The following TBC1D5 variants were observed in gnomAD, a reference collection of about 807,000 sequenced individuals.
TBC1D5 encodes the protein TBC1 domain family, member 5.
In TBC1D5, 75 loss-of-function variants were observed where a neutral mutation model predicts 100.3. The ratio of observed to expected loss-of-function variants is 0.75; its 90% CI spans 0.62 to 0.91. TBC1D5 has a LOEUF of 0.91. Among genes scored for constraint, TBC1D5 ranks in the 40% least tolerant of loss-of-function variants. The pLI is 0.00. For synonymous variants in TBC1D5, 323 were observed against 325.6 expected (o/e 0.99, Z 0.09); for missense variants, 910 against 942.4 (o/e 0.97, Z 0.45).
chr3:17,301,499 C>T (rs1460788206), intron 14 of TBC1D5, among the ~76,000 whole-genome samples: 2 of 152,172 alleles, frequency 1.3e-5, no homozygotes, highest in Non-Finnish European at 2.9e-5. Flanking sequence ...ACCCCAAGTA[C>T]TATATTAACT....
chr3:17,719,275 C>G lies in TBC1D5; in HGVS notation c.-101+20068G>C, dbSNP rs138359721. On this transcript the variant is annotated intron_variant, in intron 1 of 21. Transcript: ENST00000253692. ...AGCTGCAGTGTTATGTATTTTTCCACTACAAATCTAGAACGTTATTTAGTA... is the reference window on the plus strand; with the variant it reads ...AGCTGCAGTGTTATGTATTTTTCCAGTACAAATCTAGAACGTTATTTAGTA... Among the ~76,000 whole-genome samples, 487 of 152,278 alleles carry G rather than the reference C, an allele frequency of 3.2e-3. 1 individual carries two copies. Among genetic ancestry groups the G allele is most frequent in the African/African-American group, 0.011 (461 of 41,584 alleles).
At chr3:17,408,919 A>T (rs554789800) in intron 4 of TBC1D5, among the ~76,000 whole-genome samples, 1 of 152,232 alleles carries the variant, frequency 6.6e-6, no homozygotes, top group Non-Finnish European at 1.5e-5. Flanking sequence ...CCCCATTTTA[A>T]TCCATTTTTA....
intron 3 of TBC1D5, among the ~76,000 whole-genome samples, chr3:17,507,589 T>C (rs957766709): frequency 1.3e-5 from 2 of 152,086 alleles, no homozygotes; most frequent in Non-Finnish European, 2.9e-5. Flanking sequence ...ACAGAAAAAA[T>C]CATTTTGTTT....
intron 3 of TBC1D5, among the ~76,000 whole-genome samples, chr3:17,442,549 C>T (rs2094688209): frequency 1.3e-5 from 2 of 152,156 alleles, no homozygotes; most frequent in South Asian, 4.1e-4. Flanking sequence ...TAGAAGAAGG[C>T]CTGGACATGG....
At chr3:17,449,865 G>A (rs939555377) in intron 3 of TBC1D5, among the ~76,000 whole-genome samples, 9 of 152,176 alleles carry the variant, frequency 5.9e-5, no homozygotes, top group South Asian at 4.1e-4. Flanking sequence ...ATCTCCCAGC[G>A]AATGCTCAAG....
In TBC1D5 at chr3:17,503,151, A is replaced by C. The variant is rs1202742938; in HGVS notation, c.97+5323T>G. 2.0e-5 allele frequency among the ~76,000 whole-genome samples: 3 copies of C among 149,724 alleles called. 1 individual carries two copies. Among genetic ancestry groups the C allele is most frequent in the African/African-American group, 7.6e-5 (3 of 39,482 alleles). On this transcript the variant is annotated intron_variant, in intron 3 of 21. Coordinates refer to ENST00000253692, the Ensembl canonical transcript of TBC1D5. The stretch of plus-strand genomic sequence containing the variant: ...ATAAGGGAGCTTCATCCTAGTCTTC[A>C]GTCTTATTTGTAGTCATTCTACTTT...
chr3:17,483,539 GACTAT>G (rs1401658449), intron 3 of TBC1D5, among the ~76,000 whole-genome samples: 1 of 152,110 alleles, frequency 6.6e-6, no homozygotes, highest in South Asian at 2.1e-4. Flanking sequence ...TGTTTAAGTA[GACTAT>G]ACTATTACAC....
chr3:17,566,286 A>G (rs994902311), intron 2 of TBC1D5, among the ~76,000 whole-genome samples: 1 of 152,000 alleles, frequency 6.6e-6, no homozygotes, highest in Non-Finnish European at 1.5e-5. Context: ...AGAATTATTA[A>G]TAGTTTTGAC....
At chr3:17,563,842 GCT>G (rs1560170254) in intron 2 of TBC1D5, among the ~76,000 whole-genome samples, 2 of 152,134 alleles carry the variant, frequency 1.3e-5, no homozygotes, top group East Asian at 1.9e-4. Context: ...GAGTGCAGTG[GCT>G]TGATCTCAGC....
intron 1 of TBC1D5, among the ~76,000 whole-genome samples, chr3:17,703,149 C>A (rs1227815453): frequency 6.6e-6 from 1 of 151,994 alleles, no homozygotes. Flanking sequence ...ACTTTGGTTG[C>A]CCACACCAAA....
chr3:17,699,546 TAATA>T (rs1027072612), intron 1 of TBC1D5, among the ~76,000 whole-genome samples: 11 of 91,434 alleles, frequency 1.2e-4, no homozygotes, highest in Non-Finnish European at 2.1e-4. Flanking sequence ...AGTATAATAA[TAATA>T]AATAGATTTT....
chr3:17,664,021 G>T (rs894028833), intron 1 of TBC1D5, among the ~76,000 whole-genome samples: 1 of 152,100 alleles, frequency 6.6e-6, no homozygotes. Context: ...ATGGAAAAAT[G>T]CATTTTTACA....
At chr3:17,730,914 C>G (rs773122168) in intron 1 of TBC1D5, among the ~76,000 whole-genome samples, 15 of 151,696 alleles carry the variant, frequency 9.9e-5, no homozygotes, top group Non-Finnish European at 1.8e-4. Context: ...TTATAATTCA[C>G]AATAAATATT....
intron 14 of TBC1D5, among the ~76,000 whole-genome samples, chr3:17,300,738 A>G (rs2082738612): frequency 6.6e-6 from 1 of 152,208 alleles, no homozygotes; most frequent in South Asian, 2.1e-4. Context: ...GAGAAAGTAC[A>G]TTTAAAAAGG....
At chr3:17,249,531 G>C (rs1576272541) in intron 16 of TBC1D5, among the ~76,000 whole-genome samples, 1 of 152,166 alleles carries the variant, frequency 6.6e-6, no homozygotes, top group African/African-American at 2.4e-5. Flanking sequence ...TGAATGGCTT[G>C]GTGCCATCCC....
intron 2 of TBC1D5, among the ~76,000 whole-genome samples, chr3:17,542,036 C>A (rs2096363104): frequency 6.6e-6 from 1 of 152,092 alleles, no homozygotes; most frequent in South Asian, 2.1e-4. Flanking sequence ...GCCTGTAATC[C>A]CAGCACTTTG....
chr3:17,544,650 G>GAAAAAAAAAAAAAAAA (rs11294217), intron 2 of TBC1D5, among the ~76,000 whole-genome samples: 8 of 86,256 alleles, frequency 9.3e-5, no homozygotes, highest in African/African-American at 3.4e-4. Flanking sequence ...GACTCCGTCT[G>GAAAAAAAAAAAAAAAA]AAAAAAAAAA....
At chr3:17,676,793 C>T (rs1177579784) in intron 1 of TBC1D5, among the ~76,000 whole-genome samples, 6 of 152,116 alleles carry the variant, frequency 3.9e-5, no homozygotes, top group African/African-American at 1.4e-4. Flanking sequence ...GGTACTGGTA[C>T]CAAAACAGAG....
At chr3:17,230,384 AT>A (rs1430505515) in intron 17 of TBC1D5, among the ~76,000 whole-genome samples, 1 of 151,832 alleles carries the variant, frequency 6.6e-6, no homozygotes, top group Non-Finnish European at 1.5e-5. Context: ...TTTAATATAT[AT>A]TTTTTTCTCC....
Sources: allele counts gnomAD v4.1 joint callset (sites outside exome capture counted in the v4.1 genomes callset), GRCh38; gene constraint gnomAD v4.1.1; transcripts MANE v1.5; gene names NCBI Gene and HGNC (gene_info 2026-07-23, HGNC 2026-07-21).